The following PLCH1 variants were observed in gnomAD, a reference collection of about 807,000 sequenced individuals.
PLCH1 encodes 1-phosphatidylinositol 4,5-bisphosphate phosphodiesterase eta-1.
In PLCH1, 60 loss-of-function variants were observed where a neutral mutation model predicts 126.7. The ratio of observed to expected loss-of-function variants is 0.47; its 90% CI spans 0.38 to 0.59. The LOEUF (loss-of-function observed/expected upper bound fraction) is 0.59, where lower values mean the gene tolerates loss of function less well. Among genes scored for constraint, PLCH1 ranks in the 20% least tolerant of loss-of-function variants. PLCH1 has a pLI of 0.00. For missense variants in PLCH1, 1,723 were observed against 2,040.0 expected, an observed-to-expected ratio of 0.84 and a Z score of 2.99; for synonymous variants, 719 against 734.9, an observed-to-expected ratio of 0.98 and a Z score of 0.35.
At chr3:155,649,088 G>A (rs1175170114) in intron 2 of PLCH1, among the ~76,000 whole-genome samples, 1 of 152,142 alleles carries the variant, frequency 6.6e-6, no homozygotes, top group Non-Finnish European at 1.5e-5. Context: ...TGTGGCTTGG[G>A]GGACAGTCTG....
chr3:155,502,299 T>C (rs928003161), intron 13 of PLCH1, among the ~76,000 whole-genome samples: 2 of 152,194 alleles, frequency 1.3e-5, no homozygotes, highest in African/African-American at 4.8e-5. Flanking sequence ...GTTAAATAAA[T>C]GGCACAGAAA....
At chr3:155,729,602 A>G (rs943394172) in intron 1 of PLCH1, among the ~76,000 whole-genome samples, 7 of 152,218 alleles carry the variant, frequency 4.6e-5, no homozygotes, top group Non-Finnish European at 8.8e-5. Flanking sequence ...TATGCTATCT[A>G]AATATAATGT....
chr3:155,455,197 G>A (rs367801812), intron 21 of PLCH1, among the ~76,000 whole-genome samples: 5 of 152,148 alleles, frequency 3.3e-5, no homozygotes, highest in Non-Finnish European at 4.4e-5. Context: ...GGAAGGGAAG[G>A]GGGTGGTGAG....
chr3:155,480,513 A>G lies in PLCH1; in HGVS notation c.*455T>C, dbSNP rs762617117. Reference sequence around the variant, plus strand: ...TAAAAATGCATCTGGGCTTCTGAACAAAGAGGGAAACATAGGAAAAATGAT... The same window carrying G: ...TAAAAATGCATCTGGGCTTCTGAACGAAGAGGGAAACATAGGAAAAATGAT... On this transcript the variant is annotated 3_prime_UTR_variant, in exon 23 of 23. Transcript: ENST00000460012. The G allele has an allele frequency of 4.6e-4, 71 of 154,626 alleles. 1 individual carries two copies. Among genetic ancestry groups the G allele is most frequent in the Non-Finnish European group, 3.3e-4 (23 of 69,502 alleles). 9.6% of individuals were successfully genotyped at this position (154,626 alleles called of 1,614,324 possible). A position where few individuals can be genotyped will look rare whatever the true frequency, so the allele number is the denominator to read the frequency against.
At chr3:155,531,759 G>A (rs1287928226) in intron 10 of PLCH1, among the ~76,000 whole-genome samples, 2 of 152,196 alleles carry the variant, frequency 1.3e-5, no homozygotes, top group African/African-American at 4.8e-5. Context: ...TATGGAGATG[G>A]ATTCTTGCCT....
chr3:155,493,784 G>A (rs1716602517), intron 17 of PLCH1, among the ~76,000 whole-genome samples: 1 of 152,148 alleles, frequency 6.6e-6, no homozygotes, highest in African/African-American at 2.4e-5. Flanking sequence ...TTCCCAGCAG[G>A]TCACAGACTC....
intron 17 of PLCH1, among the ~76,000 whole-genome samples, chr3:155,493,619 C>T (rs192016518): frequency 2.5e-3 from 385 of 152,340 alleles, no homozygotes; most frequent in Non-Finnish European, 4.7e-3. Context: ...CTCCTGACCT[C>T]AGGTGATCCG....
intron 9 of PLCH1, among the ~76,000 whole-genome samples, chr3:155,551,684 C>CAAAAAAAAAAAAAAAAAAAAAAAAAA (rs35872401): frequency 1.1e-5 from 1 of 87,010 alleles, no homozygotes. Flanking sequence ...AGCTCTCTAC[C>CAAAAAAAAAAAAAAAAAAAAAAAAAA]AAAAAAAAAA....
chr3:155,467,904 C>G (rs1260863724), intron 21 of PLCH1, among the ~76,000 whole-genome samples: 1 of 152,134 alleles, frequency 6.6e-6, no homozygotes, highest in Non-Finnish European at 1.5e-5. Context: ...AAATAATCAT[C>G]CGAAGGCACA....
chr3:155,660,536 T>G (rs2108938057), intron 2 of PLCH1, among the ~76,000 whole-genome samples: 1 of 152,312 alleles, frequency 6.6e-6, no homozygotes, highest in East Asian at 1.9e-4. Flanking sequence ...GACAGCACCA[T>G]TTTTGCCCCT....
At chr3:155,537,411 G>T (rs1723584402) in intron 10 of PLCH1, among the ~76,000 whole-genome samples, 1 of 151,716 alleles carries the variant, frequency 6.6e-6, no homozygotes, top group South Asian at 2.1e-4. Flanking sequence ...AACAAATTTT[G>T]AATGTAGATG....
chr3:155,676,435 A>C, intron 2 of PLCH1: 2 of 988,350 alleles, frequency 2.0e-6, no homozygotes, highest in Middle Eastern at 1.0e-3. Flanking sequence ...AATGTCTGGG[A>C]AGTGTAGGTC....
intron 13 of PLCH1, among the ~76,000 whole-genome samples, chr3:155,501,842 A>G (rs1015119948): frequency 6.6e-6 from 1 of 152,160 alleles, no homozygotes; most frequent in Non-Finnish European, 1.5e-5. Context: ...GACCACCCCA[A>G]TAATTGCCGA....
chr3:155,712,474 G>A (rs1747194846), intron 1 of PLCH1, among the ~76,000 whole-genome samples: 1 of 151,966 alleles, frequency 6.6e-6, no homozygotes, highest in South Asian at 2.1e-4. Context: ...CTACAGATTT[G>A]TTCAAGCCAC....
chr3:155,632,211 C>T (rs916918975), intron 2 of PLCH1, among the ~76,000 whole-genome samples: 2 of 152,020 alleles, frequency 1.3e-5, no homozygotes, highest in African/African-American at 2.4e-5. Context: ...ATTACAACTA[C>T]CAAAAAGCTA....
intron 20 of PLCH1, 133 bp from the exon 21 acceptor site, chr3:155,488,240 C>A (rs750283797): frequency 4.8e-6 from 3 of 629,024 alleles, no homozygotes; most frequent in Non-Finnish European, 8.5e-6. Context: ...CTCTGTTGCC[C>A]AGGCTGGAAT....
rs777852116 is a variant in PLCH1, at chr3:155,481,101, C to G, written c.4925G>C (p.Arg1642Pro). The change falls in exon 23 of 23, where the codon CGG becomes CCG. Residue 1642 changes from arginine (R) to proline (P), a missense_variant. Transcript: ENST00000460012. This position sits in a 1 kb window ranked among gnomAD's most constrained non-coding sequence, Gnocchi z 4.2. ...CGTGCATGCCCCCTCTGGGATGCCC[C>G]GGCCTTCAAGGCCACCCCCTTTCGT... ...KNTKGGGLEG[R>P]GIPEGACTAL... The G allele has an allele frequency of 6.2e-7, 1 of 1,614,202 alleles. No individual in the cohort carries two copies. The highest frequency in any genetic ancestry group is 8.5e-7 in the Non-Finnish European group (1 of 1,180,012).
At chr3:155,707,935 C>G (rs753063787) in intron 1 of PLCH1, among the ~76,000 whole-genome samples, 3 of 152,154 alleles carry the variant, frequency 2.0e-5, no homozygotes, top group Non-Finnish European at 4.4e-5. Context: ...TCTTTAAGGG[C>G]TGGGTAACAT....
intron 1 of PLCH1, among the ~76,000 whole-genome samples, chr3:155,727,611 C>T (rs1316768823): frequency 1.3e-5 from 2 of 152,138 alleles, no homozygotes; most frequent in Non-Finnish European, 2.9e-5. Flanking sequence ...TGGTCTCAAA[C>T]TCCTGACCTC....
Sources: gnomAD v4.1 joint callset for allele counts (sites outside exome capture counted in the v4.1 genomes callset) on GRCh38, gnomAD v4.1.1 for gene constraint, Gnocchi (gnomAD v3.1) non-coding constraint, MANE v1.5 for transcripts, NCBI Gene and HGNC (gene_info 2026-07-23, HGNC 2026-07-21) for gene names.